The following ROBO2 variants were observed in gnomAD, a reference collection of about 807,000 sequenced individuals.
ROBO2 encodes roundabout guidance receptor 2.
In ROBO2, 53 loss-of-function variants were observed where a neutral mutation model predicts 160.8. The ratio of observed to expected loss-of-function variants is 0.33; its 90% CI spans 0.26 to 0.41. The LOEUF is 0.41. ROBO2 is among the 10% of genes least tolerant of loss of function. The probability of loss-of-function intolerance (pLI) is 1.00; values close to 1 mark genes in which losing one functional copy is unlikely to be tolerated. For synonymous variants in ROBO2, 664 were observed against 611.7 expected, an observed-to-expected ratio of 1.09 and a Z score of -1.26; for missense variants, 1,577 against 1,722.4, an observed-to-expected ratio of 0.92 and a Z score of 1.49.
At chr3:76,777,712 A>G (rs1433622773) in intron 2 of ROBO2, among the ~76,000 whole-genome samples, 3 of 151,082 alleles carry the variant, frequency 2.0e-5, no homozygotes, top group Non-Finnish European at 4.5e-5. Context: ...AGGCTGTAGA[A>G]AAGACCCGTA....
chr3:75,912,652 G>T (rs1015902684), intron 1 of ROBO2, among the ~76,000 whole-genome samples: 1 of 152,108 alleles, frequency 6.6e-6, no homozygotes, highest in Non-Finnish European at 1.5e-5. Flanking sequence ...CAGATACACG[G>T]TTGCTTACGT....
intron 2 of ROBO2, among the ~76,000 whole-genome samples, chr3:76,371,449 T>C (rs1401302220): frequency 1.3e-5 from 2 of 151,722 alleles, no homozygotes; most frequent in East Asian, 3.9e-4. Flanking sequence ...ATATCAAATG[T>C]TTACTATAGT....
intron 2 of ROBO2, among the ~76,000 whole-genome samples, chr3:76,431,957 G>T (rs1449890341): frequency 3.3e-5 from 5 of 152,136 alleles, no homozygotes; most frequent in African/African-American, 1.2e-4. Context: ...AGAAATAAGA[G>T]AATGACTCCT....
In ROBO2 at chr3:77,568,554, A is replaced by G. The variant is rs1455320673; in HGVS notation, c.1971+120A>G. The G allele has an allele frequency of 2.6e-6, 3 of 1,152,702 alleles. No homozygotes were observed. The African/African-American group carries it at 4.6e-5, about 18-fold the overall frequency. The allele number at this position is 1,152,702 out of a possible 1,614,324, so 71.4% of individuals were successfully genotyped here. A position where few individuals can be genotyped will look rare whatever the true frequency, so the allele number is the denominator to read the frequency against. On this transcript the variant is annotated intron_variant, in intron 13 of 25. Transcript: ENST00000461745. The stretch of plus-strand genomic sequence containing the variant: ...TCCCGCCATTTAAAATCAAGGTGTA[A>G]TCAATGATAGTAAAGAAAATCAACA...
At chr3:76,248,205 G>A (rs1052100501) in intron 2 of ROBO2, among the ~76,000 whole-genome samples, 27 of 151,914 alleles carry the variant, frequency 1.8e-4, no homozygotes, top group Middle Eastern at 3.4e-3. Flanking sequence ...TGTTTATTGC[G>A]GCATTATTCA....
At chr3:76,280,161 T>TA (rs1708154775) in intron 2 of ROBO2, among the ~76,000 whole-genome samples, 1 of 151,978 alleles carries the variant, frequency 6.6e-6, no homozygotes, top group East Asian at 1.9e-4. Context: ...TTAAAGCGAA[T>TA]AGTCTTGATA....
At chr3:76,910,145 C>T (rs1186759163) in intron 2 of ROBO2, among the ~76,000 whole-genome samples, 1 of 152,154 alleles carries the variant, frequency 6.6e-6, no homozygotes, top group Non-Finnish European at 1.5e-5. Context: ...ATTTTAGCCA[C>T]TCATTGGTCT....
At chr3:76,466,471 G>T (rs1288012724) in intron 2 of ROBO2, among the ~76,000 whole-genome samples, 6 of 151,886 alleles carry the variant, frequency 4.0e-5, no homozygotes, top group Non-Finnish European at 2.9e-5. Context: ...GTAGAAAATT[G>T]ATATGCAATG....
intron 2 of ROBO2, among the ~76,000 whole-genome samples, chr3:77,212,653 A>C (rs28799884): frequency 6.6e-6 from 1 of 152,062 alleles, no homozygotes; most frequent in East Asian, 1.9e-4. Context: ...GTCTTGTGCC[A>C]GTTTTCAAAG....
intron 2 of ROBO2, among the ~76,000 whole-genome samples, chr3:76,461,359 A>G (rs2078078176): frequency 6.6e-6 from 1 of 152,338 alleles, no homozygotes; most frequent in Admixed American, 6.5e-5. Flanking sequence ...CACTGGGGTT[A>G]CAATTCAACA....
intron 1 of ROBO2, among the ~76,000 whole-genome samples, chr3:75,909,677 C>A (rs1559743701): frequency 6.6e-6 from 1 of 152,266 alleles, no homozygotes; most frequent in East Asian, 1.9e-4. Flanking sequence ...ATACTTCAAG[C>A]AGTGTATGTG....
chr3:76,391,863 C>A (rs1322654005), intron 2 of ROBO2, among the ~76,000 whole-genome samples: 1 of 152,032 alleles, frequency 6.6e-6, no homozygotes, highest in Non-Finnish European at 1.5e-5. Flanking sequence ...GCATAATAAT[C>A]AAAAATAGTG....
In ROBO2 at chr3:77,276,554, C is replaced by T. The variant is rs1445502410; in HGVS notation, c.388+178214C>T. On this transcript the variant is annotated intron_variant, in intron 2 of 25. Coordinates refer to ENST00000461745, the Ensembl canonical transcript of ROBO2. ...TCATGTGCTGTTCTGTATGTTCCCT[C>T]TTTTGACTTCCCCTTAGAAATGCTT... is the stretch of plus-strand genomic sequence containing the variant. 9.9e-5 allele frequency among the ~76,000 whole-genome samples: 15 copies of T among 152,132 alleles called. No individual in the cohort carries two copies. In the South Asian group the frequency reaches 3.1e-3, roughly 32 times the overall value.
chr3:76,686,654 C>T (rs1175179032), intron 2 of ROBO2, among the ~76,000 whole-genome samples: 1 of 151,982 alleles, frequency 6.6e-6, no homozygotes, highest in Non-Finnish European at 1.5e-5. Flanking sequence ...CAGAAACATT[C>T]CCATGCCAAA....
intron 2 of ROBO2, among the ~76,000 whole-genome samples, chr3:76,792,147 T>C (rs551266759): frequency 3.2e-4 from 49 of 152,012 alleles, no homozygotes; most frequent in Non-Finnish European, 5.0e-4. Flanking sequence ...TTTTAAGTTG[T>C]AGGATATGAA....
intron 2 of ROBO2, among the ~76,000 whole-genome samples, chr3:77,352,073 T>C (rs28615387): frequency 0.27 from 39,749 of 149,902 alleles, 6,665 homozygotes; most frequent in Non-Finnish European, 0.38. Context: ...ATTGTGCACA[T>C]GTACCCTAGA....
intron 2 of ROBO2, among the ~76,000 whole-genome samples, chr3:77,205,736 A>G (rs2151053761): frequency 6.6e-6 from 1 of 152,262 alleles, no homozygotes; most frequent in South Asian, 2.1e-4. Context: ...TTTTTAATGT[A>G]TGGGCAAAAA....
intron 2 of ROBO2, among the ~76,000 whole-genome samples, chr3:76,359,987 G>A (rs2075409936): frequency 6.6e-6 from 1 of 151,966 alleles, no homozygotes; most frequent in African/African-American, 2.4e-5. Context: ...ATGAATTTAT[G>A]GCTATCATCT....
At chr3:76,793,927 AT>A (rs1319122501) in intron 2 of ROBO2, among the ~76,000 whole-genome samples, 4 of 151,814 alleles carry the variant, frequency 2.6e-5, no homozygotes. Flanking sequence ...ATCCTATTTG[AT>A]TTTTTTGAAG....
Sources: allele counts gnomAD v4.1 joint callset (sites outside exome capture counted in the v4.1 genomes callset), GRCh38; gene constraint gnomAD v4.1.1; transcripts MANE v1.5; gene names NCBI Gene and HGNC (gene_info 2026-07-23, HGNC 2026-07-21).